C9orf72: variants seen among roughly 807,000 people sequenced by gnomAD.
The protein encoded by C9orf72 is guanine nucleotide exchange factor C9orf72.
In C9orf72, 44 loss-of-function variants were observed where a neutral mutation model predicts 51.6. The ratio of observed to expected loss-of-function variants is 0.85; its 90% CI spans 0.67 to 1.10. The LOEUF is 1.10. Ranked by LOEUF, C9orf72 falls within the 50% of genes least tolerant of loss-of-function variation. C9orf72 has a pLI of 0.00. For missense variants in C9orf72, 607 were observed against 570.6 expected, an observed-to-expected ratio of 1.06 and a Z score of -0.65; for synonymous variants, 213 against 194.2, an observed-to-expected ratio of 1.10 and a Z score of -0.81.
At chr9:27,564,156 CAAAAAAA>C (rs11438223) in intron 3 of C9orf72, among the ~76,000 whole-genome samples, 4 of 86,726 alleles carry the variant, frequency 4.6e-5, no homozygotes, top group Admixed American at 1.3e-4. Context: ...TCAACAACAC[CAAAAAAA>C]AAAAAAAAAA....
At chr9:27,553,443 A>G (rs1171362776) in intron 8 of C9orf72, among the ~76,000 whole-genome samples, 1 of 152,162 alleles carries the variant, frequency 6.6e-6, no homozygotes, top group Non-Finnish European at 1.5e-5. Flanking sequence ...CAAAGTTGAC[A>G]AAAAACAAGC....
intron 6 of C9orf72, chr9:27,559,269 A>G (rs1221960678): frequency 2.2e-5 from 1 of 44,460 alleles, no homozygotes; most frequent in Non-Finnish European, 6.4e-5. Flanking sequence ...AAAAATGTTT[A>G]AAAAAAAAAA....
intron 1 of C9orf72, among the ~76,000 whole-genome samples, chr9:27,568,281 C>G (rs1039675045): frequency 2.6e-5 from 4 of 151,146 alleles, no homozygotes; most frequent in Non-Finnish European, 4.4e-5. Flanking sequence ...GAAACCAATA[C>G]AGCATTTCAT....
At chr9:27,569,124 A>G (rs1372709180) in intron 1 of C9orf72, among the ~76,000 whole-genome samples, 1 of 152,172 alleles carries the variant, frequency 6.6e-6, no homozygotes, top group Non-Finnish European at 1.5e-5. Flanking sequence ...AAAAGCTTCT[A>G]GAATAAGGAT....
At position 27,548,847 on chromosome 9, in the gene C9orf72, TA is replaced by T. The variant is rs1323777493; in HGVS notation, c.1150-182del. Reference sequence around the variant, plus strand: ...AGCACTAGGTGTAGGAACAATCTGATATTTTTTTTTTTTTTTGAGACGGAGT... The same window carrying T: ...AGCACTAGGTGTAGGAACAATCTGATTTTTTTTTTTTTTTTGAGACGGAGT... On this transcript the variant is annotated intron_variant, in intron 9 of 10. Transcript: ENST00000380003. 2.3e-3 allele frequency among the ~76,000 whole-genome samples: 311 copies of T among 136,772 alleles called. 3 individuals are homozygous for T. Among genetic ancestry groups the T allele is most frequent in the African/African-American group, 7.5e-3 (288 of 38,354 alleles). The allele number at this position is 136,772 out of a possible 152,430, so 89.7% of individuals were successfully genotyped here.
Position 27,566,872 on chromosome 9 carries a change from C to T in C9orf72, c.249G>A (p.Lys83=). The T allele has an allele frequency of 6.2e-7, 1 of 1,613,962 alleles. No individual in the cohort carries two copies. The highest frequency in any genetic ancestry group is 1.1e-5 in the South Asian group (1 of 91,078). ...RNAESGAIDV[K]FFVLSEKGVI... The stretch of plus-strand genomic sequence containing the variant: ...CTCCCTTTTCAGACAAGACAAAAAA[C>T]TTTACATCTATAGCACCACTCTCTG... Residue 83 remains lysine, a synonymous_variant, in exon 2 of 11, where the codon AAG becomes AAA. Coordinates refer to ENST00000380003, the MANE Select transcript of C9orf72 (RefSeq NM_018325.5).
chr9:27,567,202 CA>C, intron 1 of C9orf72, 38 bp from the exon 2 acceptor site: 1 of 1,225,534 alleles, frequency 8.2e-7, no homozygotes, highest in Middle Eastern at 2.0e-4. Flanking sequence ...TTAGGTTCAG[CA>C]ATTTAAAGAT....
intron 1 of C9orf72, among the ~76,000 whole-genome samples, chr9:27,571,774 T>G (rs1442227759): frequency 6.6e-6 from 1 of 152,202 alleles, no homozygotes; most frequent in East Asian, 1.9e-4. Flanking sequence ...CTTGTAACCA[T>G]GCTGTTTATT....
At chr9:27,555,332 G>C (rs982636760) in intron 8 of C9orf72, among the ~76,000 whole-genome samples, 2 of 152,266 alleles carry the variant, frequency 1.3e-5, no homozygotes, top group East Asian at 1.9e-4. Flanking sequence ...AGATGTATAA[G>C]GCTGGGGGTC....
At chr9:27,560,411 T>C (rs1295803924) in intron 5 of C9orf72, 112 bp from the exon 6 acceptor site, 25 of 774,376 alleles carry the variant, frequency 3.2e-5, no homozygotes, top group Non-Finnish European at 4.0e-5. Context: ...CTTTATATGA[T>C]AAACACCGAA....
chr9:27,549,158 G>T (rs1241962240), intron 9 of C9orf72, among the ~76,000 whole-genome samples: 1 of 152,168 alleles, frequency 6.6e-6, no homozygotes, highest in Non-Finnish European at 1.5e-5. Flanking sequence ...ACAGTTTTTA[G>T]AAGTTTTCTA....
intron 2 of C9orf72, 45 bp from the exon 3 acceptor site, chr9:27,565,635 T>C: frequency 8.6e-7 from 1 of 1,157,414 alleles, no homozygotes; most frequent in South Asian, 1.2e-5. Flanking sequence ...CACAACATTT[T>C]GATACTTGCT....
At chr9:27,558,811 T>C in intron 6 of C9orf72, 2 of 461,892 alleles carry the variant, frequency 4.3e-6, no homozygotes, top group East Asian at 7.9e-5. Flanking sequence ...AGAAAATGCT[T>C]GGTAAATTTA....
Position 27,556,675 on chromosome 9 carries a change from T to C in C9orf72, c.977A>G (p.Tyr326Cys). ...GGATCTCATGTATCTACGCTGATTA[T>C]AAATATGTTCATGACAGGGTGGCAT... ...KQMPPCHEHI[Y>C]NQRRYMRSEL... The change falls in exon 8 of 11, where the codon TAT becomes TGT. Residue 326 changes from tyrosine to cysteine, a missense_variant. Physicochemically the swap from Tyr to Cys is radical, Grantham distance 194. Coordinates refer to ENST00000380003, the MANE Select transcript of C9orf72 (RefSeq NM_018325.5). The C allele has an allele frequency of 1.9e-6, 3 of 1,614,012 alleles. No individual in the cohort carries two copies. Among genetic ancestry groups the C allele is most frequent in the South Asian group, 1.1e-5 (1 of 91,080 alleles).
chr9:27,554,255 G>A (rs1464009028), intron 8 of C9orf72, among the ~76,000 whole-genome samples: 1 of 151,970 alleles, frequency 6.6e-6, no homozygotes, highest in Non-Finnish European at 1.5e-5. Context: ...ACAAAGACAG[G>A]GAATCAACCT....
Position 27,548,389 on chromosome 9 carries a change from C to A in C9orf72, c.1293G>T (p.Arg431=). 6.8e-7 allele frequency: 1 copy of A among 1,465,928 alleles called. No homozygotes were observed. Among genetic ancestry groups the A allele is most frequent in the Non-Finnish European group, 9.1e-7 (1 of 1,094,570 alleles). The allele number at this position is 1,465,928 out of a possible 1,614,324, so 90.8% of individuals were successfully genotyped here. A position where few individuals can be genotyped will look rare whatever the true frequency, so the allele number is the denominator to read the frequency against. Residue 431 remains arginine, a synonymous_variant, in exon 11 of 11, where the codon CGG becomes CGT. Coordinates refer to ENST00000380003, the MANE Select transcript of C9orf72 (RefSeq NM_018325.5). ...TTAAATCAAGGTCTATCTTCAGGTT[C>A]CGAAGAGATTTAAAGGGCTTTTTTC... ...QKGKKPFKSL[R]NLKIDLDLTA... is the part of the protein sequence containing the mutation.
intron 8 of C9orf72, chr9:27,556,316 T>C (rs1819195960): frequency 8.9e-6 from 5 of 560,088 alleles, no homozygotes; most frequent in Non-Finnish European, 1.6e-5. Flanking sequence ...GCTCAATATA[T>C]ATTTATTAAA....
Position 27,556,773 on chromosome 9 carries a change from C to T in C9orf72, c.879G>A (p.Leu293=). The part of the protein sequence containing the change: ...LLKDSTGSFV[L]PFRQVMYAPY... The stretch of plus-strand genomic sequence containing the variant: ...GAGCATACATGACTTGCCGGAAAGG[C>T]AGCACAAAGCTTCCAGTTGAATCCT... Residue 293 remains leucine, a synonymous_variant, in exon 8 of 11, where the codon CTG becomes CTA. Transcript: ENST00000380003. 6.2e-7 allele frequency: 1 copy of T among 1,613,308 alleles called. No homozygotes were observed. Among genetic ancestry groups the T allele is most frequent in the Non-Finnish European group, 8.5e-7 (1 of 1,179,380 alleles).
rs1020520897 is a variant in C9orf72, at chr9:27,570,235, T to C, written c.-44-3071A>G. 3.3e-5 allele frequency among the ~76,000 whole-genome samples: 5 copies of C among 152,212 alleles called. No individual in the cohort carries two copies. In the East Asian group the frequency reaches 5.8e-4, roughly 18 times the overall value. On this transcript the variant is annotated intron_variant, in intron 1 of 10. Coordinates refer to ENST00000380003, the MANE Select transcript of C9orf72 (RefSeq NM_018325.5). The stretch of plus-strand genomic sequence containing the variant: ...GCAGTCAGTTTACAATGATCAAATA[T>C]AGGAATGTAATCTGAATTGAAATGG...
Sources: allele counts gnomAD v4.1 joint callset (sites outside exome capture counted in the v4.1 genomes callset), GRCh38; gene constraint gnomAD v4.1.1; transcripts MANE v1.5; gene names NCBI Gene and HGNC (gene_info 2026-07-23, HGNC 2026-07-21).